RBFOX1: variants seen among roughly 807,000 people sequenced by gnomAD.
RBFOX1 encodes RNA binding fox-1 homolog 1, also known as RNA binding protein fox-1 homolog 1.
A neutral mutation model predicts 57.7 loss-of-function variants in RBFOX1; 8 were observed. That is an observed-to-expected ratio of 0.14 (90% CI 0.08 to 0.25). The LOEUF (loss-of-function observed/expected upper bound fraction) is 0.25. Ranked by LOEUF, RBFOX1 falls within the 10% of genes least tolerant of loss-of-function variation. RBFOX1 has a pLI of 1.00. For synonymous variants in RBFOX1, 326 were observed against 222.4 expected, an observed-to-expected ratio of 1.47 and a Z score of -4.15; for missense variants, 611 against 548.5, an observed-to-expected ratio of 1.11 and a Z score of -1.14.
At chr16:6,018,111 C>G (rs1290956882), upstream of RBFOX1, among the ~76,000 whole-genome samples, 1 of 149,766 alleles carries the variant, frequency 6.7e-6, no homozygotes, top group Admixed American at 6.7e-5. Flanking sequence ...CTCAGACTGA[C>G]TTTATTGTAC....
At chr16:6,146,471 C>T (rs2096759146) in intron 1 of RBFOX1, among the ~76,000 whole-genome samples, 1 of 151,984 alleles carries the variant, frequency 6.6e-6, no homozygotes, top group Non-Finnish European at 1.5e-5. Flanking sequence ...GGTTGGCAGC[C>T]GTAGATGCTG....
intron 4 of RBFOX1, among the ~76,000 whole-genome samples, chr16:7,266,486 T>C (rs1045154207): frequency 1.6e-4 from 24 of 152,192 alleles, no homozygotes; most frequent in African/African-American, 5.8e-4. Context: ...CTTTTGTTTA[T>C]AAATTACTCA....
At chr16:5,446,553 C>T (rs1179663557) in intron 1 of RBFOX1, among the ~76,000 whole-genome samples, 2 of 152,106 alleles carry the variant, frequency 1.3e-5, no homozygotes, top group East Asian at 3.9e-4. Context: ...CCTCTTCCTC[C>T]TCCTCCTGTT....
chr16:7,548,144 G>A (rs937985016), intron 5 of RBFOX1, among the ~76,000 whole-genome samples: 3 of 152,084 alleles, frequency 2.0e-5, no homozygotes, highest in Admixed American at 6.6e-5. Context: ...AGTTATTCAC[G>A]TCATATTCTT....
intron 4 of RBFOX1, among the ~76,000 whole-genome samples, chr16:7,383,984 G>A (rs901873250): frequency 2.0e-5 from 3 of 151,660 alleles, no homozygotes; most frequent in African/African-American, 4.9e-5. Context: ...AACCCAGTAG[G>A]TGGAGGTTGC....
At chr16:6,203,743 G>A (rs2152834501) in intron 1 of RBFOX1, among the ~76,000 whole-genome samples, 1 of 152,274 alleles carries the variant, frequency 6.6e-6, no homozygotes, top group Middle Eastern at 3.4e-3. Context: ...TGTCTCTTGT[G>A]TGTTCATAGA....
chr16:6,930,286 C>T (rs1033846737), intron 3 of RBFOX1, among the ~76,000 whole-genome samples: 2 of 152,126 alleles, frequency 1.3e-5, no homozygotes, highest in African/African-American at 4.8e-5. Context: ...GACGTGTCTC[C>T]AAAAGATATA....
chr16:5,284,470 A>C (rs1274696816), intron 1 of RBFOX1, among the ~76,000 whole-genome samples: 1 of 151,226 alleles, frequency 6.6e-6, no homozygotes, highest in East Asian at 1.9e-4. Flanking sequence ...TCCCTTAAGC[A>C]TTTCTTGTAG....
chr16:5,263,288 GCTGTTTTTGCCATTACTTGTAATGGCAA>G (rs1252747371), intron 1 of RBFOX1, among the ~76,000 whole-genome samples: 2 of 152,022 alleles, frequency 1.3e-5, no homozygotes, highest in African/African-American at 2.4e-5. Flanking sequence ...AAAAATAATT[GCTGTTTTTGCCATTACTTGTAATGGCAA>G]AATCTGCAAT....
intron 2 of RBFOX1, among the ~76,000 whole-genome samples, chr16:6,577,538 G>A (rs190366591): frequency 6.6e-6 from 1 of 152,158 alleles, no homozygotes; most frequent in Non-Finnish European, 1.5e-5. Flanking sequence ...ACACAACAAA[G>A]GTTTATTTCT....
intron 1 of RBFOX1, among the ~76,000 whole-genome samples, chr16:6,022,803 T>G (rs2095109654): frequency 6.6e-6 from 1 of 152,232 alleles, no homozygotes; most frequent in Non-Finnish European, 1.5e-5. Flanking sequence ...TGCCCATAAA[T>G]GAACTGAATG....
chr16:6,784,478 T>A (rs965515847), intron 3 of RBFOX1, among the ~76,000 whole-genome samples: 4 of 152,138 alleles, frequency 2.6e-5, no homozygotes, highest in Admixed American at 2.6e-4. Context: ...TATTATAATC[T>A]CTTTGCTAGA....
At chr16:6,966,031 G>A (rs1268885937) in intron 3 of RBFOX1, among the ~76,000 whole-genome samples, 1 of 152,116 alleles carries the variant, frequency 6.6e-6, no homozygotes, top group African/African-American at 2.4e-5. Flanking sequence ...TCGGAGATAC[G>A]TTTTCTTATC....
At chr16:5,646,427 C>CT (rs2049057331) in intron 3 of RBFOX1, among the ~76,000 whole-genome samples, 1 of 152,150 alleles carries the variant, frequency 6.6e-6, no homozygotes, top group Non-Finnish European at 1.5e-5. Flanking sequence ...CCATGAGCCA[C>CT]TGTGCACAAC....
chr16:7,700,525 C>T lies in RBFOX1; in HGVS notation c.996-8531C>T, dbSNP rs148255052. ...TAAGGGATACAATTTGTTTTTCCTC[C>T]TATGGGGTAAAGTATAGCTGGGGTG... On this transcript the variant is annotated intron_variant, in intron 14 of 15. Coordinates refer to ENST00000550418, the MANE Select transcript of RBFOX1 (RefSeq NM_018723.4). Among the ~76,000 whole-genome samples the T allele has an allele frequency of 2.8e-3, 423 of 152,226 alleles. 2 individuals carry two copies. The highest frequency in any genetic ancestry group is 9.6e-3 in the African/African-American group (398 of 41,530).
At chr16:7,018,845 G>T (rs889568232) in intron 3 of RBFOX1, among the ~76,000 whole-genome samples, 1 of 151,976 alleles carries the variant, frequency 6.6e-6, no homozygotes, top group Admixed American at 6.6e-5. Flanking sequence ...TAGGCCAGGT[G>T]CAGTGGCTGA....
chr16:5,888,287 C>G (rs930274727), intron 4 of RBFOX1, among the ~76,000 whole-genome samples: 3 of 152,174 alleles, frequency 2.0e-5, no homozygotes, highest in African/African-American at 7.2e-5. Flanking sequence ...CCAGTTGCCT[C>G]CCCTCATTAT....
intron 4 of RBFOX1, among the ~76,000 whole-genome samples, chr16:5,949,866 G>C (rs1597919315): frequency 6.6e-6 from 1 of 152,166 alleles, no homozygotes. Flanking sequence ...AGGGGATTCT[G>C]AGACAAGCTC....
At chr16:7,109,728 G>C (rs1454630031) in intron 4 of RBFOX1, among the ~76,000 whole-genome samples, 1 of 151,964 alleles carries the variant, frequency 6.6e-6, no homozygotes, top group Non-Finnish European at 1.5e-5. Flanking sequence ...AAAAGAAGAG[G>C]GGTCATTCCA....
Sources: gnomAD v4.1 joint callset for allele counts (sites outside exome capture counted in the v4.1 genomes callset) on GRCh38, gnomAD v4.1.1 for gene constraint, MANE v1.5 for transcripts, NCBI Gene and HGNC (gene_info 2026-07-23, HGNC 2026-07-21) for gene names.